The following ITGBL1 variants were observed in gnomAD, a reference collection of about 807,000 sequenced individuals.
The protein encoded by ITGBL1 is integrin beta-like protein 1.
ITGBL1 carries 51 observed loss-of-function variants against 68.5 expected under a neutral mutation model. The ratio of observed to expected loss-of-function variants is 0.74; its 90% CI spans 0.59 to 0.94. ITGBL1 has a LOEUF of 0.94. Among genes scored for constraint, ITGBL1 ranks in the 40% least tolerant of loss-of-function variants. The pLI, the probability that ITGBL1 is intolerant of heterozygous loss-of-function variation, is 0.00. For synonymous variants in ITGBL1, 209 were observed against 227.3 expected (o/e 0.92, Z 0.72); for missense variants, 649 against 647.4 (o/e 1.00, Z -0.03).
chr13:101,500,625 C>A (rs987857946), intron 2 of ITGBL1, among the ~76,000 whole-genome samples: 4 of 152,152 alleles, frequency 2.6e-5, no homozygotes, highest in African/African-American at 9.7e-5. Context: ...AGGAAACTGC[C>A]CCTTCTCTGA....
At chr13:101,489,297 AAC>A (rs1164106670) in intron 2 of ITGBL1, among the ~76,000 whole-genome samples, 1 of 152,222 alleles carries the variant, frequency 6.6e-6, no homozygotes, top group Non-Finnish European at 1.5e-5. Context: ...TAGATGGATA[AAC>A]ACATGGTAGA....
chr13:101,522,912 G>T (rs1166318999), intron 2 of ITGBL1, among the ~76,000 whole-genome samples: 3 of 152,146 alleles, frequency 2.0e-5, no homozygotes, highest in Non-Finnish European at 4.4e-5. Flanking sequence ...TATCTACAAA[G>T]GACAAGCCGT....
At chr13:101,706,659 A>G in intron 8 of ITGBL1, 97 bp from the exon 9 acceptor site, 1 of 1,250,128 alleles carries the variant, frequency 8.0e-7, no homozygotes, top group South Asian at 1.6e-5. Context: ...TGGATGGGAA[A>G]TGAGATCCTA....
chr13:101,469,161 G>A (rs1284324464), intron 2 of ITGBL1, among the ~76,000 whole-genome samples: 2 of 152,148 alleles, frequency 1.3e-5, no homozygotes, highest in South Asian at 2.1e-4. Context: ...TATACGTATA[G>A]CCTTTTTGAG....
intron 7 of ITGBL1, among the ~76,000 whole-genome samples, chr13:101,634,701 G>A (rs139045483): frequency 3.9e-5 from 6 of 152,220 alleles, no homozygotes; most frequent in African/African-American, 1.4e-4. Context: ...AAATTATCCT[G>A]TTCTCACAGA....
chr13:101,572,423 C>A (rs2050288419), intron 3 of ITGBL1, among the ~76,000 whole-genome samples: 1 of 152,004 alleles, frequency 6.6e-6, no homozygotes, highest in African/African-American at 2.4e-5. Context: ...GCCCCGGCAC[C>A]ACTGTACAGG....
At chr13:101,538,081 G>T (rs1256053339) in intron 2 of ITGBL1, among the ~76,000 whole-genome samples, 1 of 151,942 alleles carries the variant, frequency 6.6e-6, no homozygotes, top group African/African-American at 2.4e-5. Flanking sequence ...TCATTTGAAG[G>T]ATAATTATAA....
chr13:101,600,714 G>C (rs1039407549), intron 7 of ITGBL1, among the ~76,000 whole-genome samples: 26 of 152,242 alleles, frequency 1.7e-4, no homozygotes, highest in African/African-American at 6.0e-4. Flanking sequence ...TTTTGTCTTT[G>C]GTTCTGTTTA....
intron 7 of ITGBL1, among the ~76,000 whole-genome samples, chr13:101,677,755 G>A (rs2033540017): frequency 6.6e-6 from 1 of 152,032 alleles, no homozygotes; most frequent in Non-Finnish European, 1.5e-5. Flanking sequence ...TATTAATCCT[G>A]CCTATGATGA....
intron 2 of ITGBL1, among the ~76,000 whole-genome samples, chr13:101,482,908 C>T (rs1001684776): frequency 6.6e-6 from 1 of 152,146 alleles, no homozygotes; most frequent in Non-Finnish European, 1.5e-5. Context: ...TGTGAATTCT[C>T]AGTTTCATAC....
At chr13:101,597,618 C>T (rs1368871699) in intron 6 of ITGBL1, among the ~76,000 whole-genome samples, 1 of 151,754 alleles carries the variant, frequency 6.6e-6, no homozygotes, top group East Asian at 1.9e-4. Context: ...GTGGCATGAA[C>T]TTGGCTTGCT....
intron 2 of ITGBL1, among the ~76,000 whole-genome samples, chr13:101,538,601 A>G (rs1481596408): frequency 6.6e-6 from 1 of 151,966 alleles, no homozygotes; most frequent in Non-Finnish European, 1.5e-5. Flanking sequence ...AAAACTCCAG[A>G]AAAAAAATCA....
chr13:101,504,699 C>A (rs566063063), intron 2 of ITGBL1, among the ~76,000 whole-genome samples: 2 of 152,212 alleles, frequency 1.3e-5, no homozygotes, highest in East Asian at 1.9e-4. Context: ...CTTTTTATAC[C>A]TATTCTGTGG....
intron 2 of ITGBL1, among the ~76,000 whole-genome samples, chr13:101,501,705 C>G (rs1329382841): frequency 6.6e-6 from 1 of 152,144 alleles, no homozygotes; most frequent in Non-Finnish European, 1.5e-5. Context: ...ACCTTAGGCT[C>G]TACTCCCCAG....
intron 2 of ITGBL1, among the ~76,000 whole-genome samples, chr13:101,498,866 G>A (rs776049528): frequency 3.3e-5 from 5 of 152,156 alleles, no homozygotes; most frequent in Non-Finnish European, 5.9e-5. Context: ...GTTCCATGTG[G>A]CTGGGGAGGC....
intron 2 of ITGBL1, among the ~76,000 whole-genome samples, chr13:101,470,752 G>A (rs1289937509): frequency 1.3e-5 from 2 of 152,000 alleles, no homozygotes; most frequent in Non-Finnish European, 2.9e-5. Flanking sequence ...TTTTCTAGTA[G>A]GACAACATTC....
At chr13:101,655,428 A>C (rs1158922861) in intron 7 of ITGBL1, among the ~76,000 whole-genome samples, 1 of 152,170 alleles carries the variant, frequency 6.6e-6, no homozygotes, top group African/African-American at 2.4e-5. Flanking sequence ...GAAAATGCAA[A>C]TCCCTGTTGT....
At chr13:101,504,846 C>G (rs576661958) in intron 2 of ITGBL1, among the ~76,000 whole-genome samples, 1 of 152,310 alleles carries the variant, frequency 6.6e-6, no homozygotes, top group East Asian at 1.9e-4. Context: ...GCAAATTCCT[C>G]TAATGTGCAT....
At position 101,566,888 on chromosome 13, in the gene ITGBL1, T is replaced by G. The variant is rs557303082; in HGVS notation, c.317-811T>G. On this transcript the variant is annotated intron_variant, in intron 2 of 10. Transcript: ENST00000376180. ...CATAGACTTTATCGCTCAGCTTAAC[T>G]CAAGGTGACAATCACTTCTGGCTGA... Among the ~76,000 whole-genome samples the G allele has an allele frequency of 5.3e-5, 8 of 152,298 alleles. No individual in the cohort carries two copies. The East Asian group carries it at 1.4e-3, about 26-fold the overall frequency.
Sources: gnomAD v4.1 joint callset for allele counts (sites outside exome capture counted in the v4.1 genomes callset) on GRCh38, gnomAD v4.1.1 for gene constraint, MANE v1.5 for transcripts, NCBI Gene and HGNC (gene_info 2026-07-23, HGNC 2026-07-21) for gene names.